NHSL1: variants seen among roughly 807,000 people sequenced by gnomAD.
NHSL1 encodes NHS-like protein 1.
A neutral mutation model predicts 95.0 loss-of-function variants in NHSL1; 48 were observed. That is an observed-to-expected ratio of 0.51 (90% CI 0.40 to 0.64). The LOEUF is 0.64. Ranked by LOEUF, NHSL1 falls within the 30% of genes least tolerant of loss-of-function variation. The probability of loss-of-function intolerance (pLI) is 0.00; values close to 1 mark genes in which losing one functional copy is unlikely to be tolerated. For missense variants in NHSL1, 1,971 were observed against 2,077.7 expected, an observed-to-expected ratio of 0.95 and a Z score of 1.00; for synonymous variants, 783 against 833.9, an observed-to-expected ratio of 0.94 and a Z score of 1.05.
intron 1 of NHSL1, among the ~76,000 whole-genome samples, chr6:138,542,914 TCAC>T (rs971562972): frequency 2.6e-5 from 4 of 152,120 alleles, no homozygotes; most frequent in Non-Finnish European, 5.9e-5. Context: ...CAGTTCCATA[TCAC>T]CACATCTGGC....
intron 1 of NHSL1, among the ~76,000 whole-genome samples, chr6:138,598,466 A>AG (rs972946529): frequency 6.6e-6 from 1 of 150,974 alleles, no homozygotes; most frequent in African/African-American, 2.4e-5. Context: ...TTGGAAAAAA[A>AG]AAAAAATAGC....
intron 1 of NHSL1, among the ~76,000 whole-genome samples, chr6:138,615,870 A>G (rs1020400600): frequency 6.6e-6 from 1 of 152,038 alleles, no homozygotes. Flanking sequence ...TTACATCAAT[A>G]CCTGTGACTC....
chr6:138,648,623 C>G (rs1785050028), intron 1 of NHSL1, among the ~76,000 whole-genome samples: 1 of 152,184 alleles, frequency 6.6e-6, no homozygotes, highest in African/African-American at 2.4e-5. Context: ...CTGGAACTTG[C>G]ACAGTATCGA....
intron 5 of NHSL1, among the ~76,000 whole-genome samples, chr6:138,437,845 A>G (rs770589896): frequency 6.6e-6 from 1 of 152,234 alleles, no homozygotes; most frequent in Non-Finnish European, 1.5e-5. Context: ...GCAAGGAACT[A>G]GAGTTAGAAG....
At chr6:138,496,863 T>G (rs1437049475) in intron 1 of NHSL1, among the ~76,000 whole-genome samples, 1 of 152,254 alleles carries the variant, frequency 6.6e-6, no homozygotes, top group Non-Finnish European at 1.5e-5. Flanking sequence ...ATCACTGTTA[T>G]AAACTCAATT....
rs1453784000 is a variant in NHSL1, at chr6:138,447,130, A to C, written c.403T>G (p.Ser135Ala). The change falls in exon 4 of 8, where the codon TCA becomes GCA. Residue 135 changes from serine to alanine, a missense_variant. Ser to Ala is a moderately conservative substitution (Grantham distance 99). Transcript: ENST00000343505. ...ISIRRPKTPA[S>A]SDFSDLNTQT... ...GTATTAAGGTCGGAGAAGTCACTTG[A>C]GGCTGGTGTTTTAGGTCTCCTGATG... 3.9e-6 allele frequency: 6 copies of C among 1,551,678 alleles called. No individual in the cohort carries two copies. The Admixed American group carries it at 1.2e-4, about 30-fold the overall frequency.
exon 1 of NHSL1, chr6:138,571,879 T>C: frequency 1.3e-6 from 2 of 1,551,598 alleles, no homozygotes; most frequent in Non-Finnish European, 1.7e-6. Context: ...TCGGCTGGAG[T>C]CTGAAGGAAC....
intron 1 of NHSL1, among the ~76,000 whole-genome samples, chr6:138,524,937 T>C (rs1055168885): frequency 6.6e-6 from 1 of 152,214 alleles, no homozygotes; most frequent in Non-Finnish European, 1.5e-5. Flanking sequence ...GGAGCCCTGC[T>C]TGCCAAAGGT....
chr6:138,585,269 T>C (rs567994254), intron 1 of NHSL1, among the ~76,000 whole-genome samples: 1 of 152,124 alleles, frequency 6.6e-6, no homozygotes, highest in Non-Finnish European at 1.5e-5. Context: ...CAGGAAAATA[T>C]TTCCCATCAG....
intron 1 of NHSL1, among the ~76,000 whole-genome samples, chr6:138,601,077 A>G (rs556960934): frequency 6.6e-6 from 1 of 152,352 alleles, no homozygotes; most frequent in East Asian, 1.9e-4. Context: ...TACTAAATGT[A>G]TAAAATAGAA....
At chr6:138,594,431 T>C (rs1348039730) in intron 1 of NHSL1, among the ~76,000 whole-genome samples, 1 of 152,156 alleles carries the variant, frequency 6.6e-6, no homozygotes, top group Non-Finnish European at 1.5e-5. Flanking sequence ...ACAGCCCCTG[T>C]ACCTGTTCTT....
At chr6:138,605,180 G>A (rs763910312) in intron 1 of NHSL1, among the ~76,000 whole-genome samples, 6 of 151,972 alleles carry the variant, frequency 3.9e-5, no homozygotes, top group Non-Finnish European at 8.8e-5. Flanking sequence ...CTAGACAACG[G>A]ACCTGACTTG....
chr6:138,688,925 T>C lies in NHSL1; in HGVS notation c.96+3551A>G, dbSNP rs9495206. On this transcript the variant is annotated intron_variant, in intron 1 of 3. Transcript: ENST00000491526. ...AAAGTAATTGTCTCGATCACTTACA[T>C]TGGTAGCAGTATTGTATTTTTAGTA... 1.4e-4 allele frequency among the ~76,000 whole-genome samples: 22 copies of C among 152,218 alleles called. No homozygotes were observed. The East Asian group carries it at 3.7e-3, about 25-fold the overall frequency.
intron 2 of NHSL1, among the ~76,000 whole-genome samples, chr6:138,479,550 G>C (rs1779290844): frequency 6.6e-6 from 1 of 152,160 alleles, no homozygotes; most frequent in East Asian, 1.9e-4. Flanking sequence ...AGGATGGAGG[G>C]GGCTGTTGTG....
chr6:138,598,855 T>C (rs529985054), intron 1 of NHSL1, among the ~76,000 whole-genome samples: 1 of 152,144 alleles, frequency 6.6e-6, no homozygotes, highest in Non-Finnish European at 1.5e-5. Flanking sequence ...CCTCACACTC[T>C]TAAGTACAAT....
At chr6:138,467,304 C>T (rs1251602758) in intron 3 of NHSL1, among the ~76,000 whole-genome samples, 1 of 152,068 alleles carries the variant, frequency 6.6e-6, no homozygotes, top group East Asian at 1.9e-4. Context: ...AGGTGCCCGC[C>T]ACCTCGCCTG....
chr6:138,593,782 T>TAG lies in NHSL1; in HGVS notation c.97-97413_97-97412dup, dbSNP rs572454117. On this transcript the variant is annotated intron_variant, in intron 1 of 3. Transcript: ENST00000491526. ...TAGCAACACAAAGAAAGCTGAGGGA[T>TAG]AGAGTTATGAATTAGTAAACTGCTT... 5.1e-3 allele frequency among the ~76,000 whole-genome samples: 779 copies of TAG among 152,346 alleles called. 3 individuals carry two copies. The highest frequency in any genetic ancestry group is 0.015 in the South Asian group (70 of 4,824).
chr6:138,626,396 T>A, intron 1 of NHSL1, among the ~76,000 whole-genome samples: 1 of 152,184 alleles, frequency 6.6e-6, no homozygotes, highest in East Asian at 1.9e-4. Context: ...GATTATGTAG[T>A]CCATAAATTT....
At chr6:138,530,704 C>T (rs1782097615) in intron 1 of NHSL1, among the ~76,000 whole-genome samples, 1 of 152,148 alleles carries the variant, frequency 6.6e-6, no homozygotes, top group Non-Finnish European at 1.5e-5. Context: ...TGTATGTTCT[C>T]ACTTATAAGT....
Sources: allele counts gnomAD v4.1 joint callset (sites outside exome capture counted in the v4.1 genomes callset), GRCh38; gene constraint gnomAD v4.1.1; transcripts MANE v1.5; gene names NCBI Gene and HGNC (gene_info 2026-07-23, HGNC 2026-07-21).